The following SPOCK3 variants were observed in gnomAD, a reference collection of about 807,000 sequenced individuals.
SPOCK3 encodes SPARC (osteonectin), cwcv and kazal like domains proteoglycan 3.
A neutral mutation model predicts 56.6 loss-of-function variants in SPOCK3; 30 were observed. The ratio of observed to expected loss-of-function variants is 0.53; its 90% CI spans 0.40 to 0.72. The LOEUF (loss-of-function observed/expected upper bound fraction) is 0.72. Among genes scored for constraint, SPOCK3 ranks in the 30% least tolerant of loss-of-function variants. The probability of loss-of-function intolerance (pLI) is 0.00; values close to 1 mark genes in which losing one functional copy is unlikely to be tolerated. For synonymous variants in SPOCK3, 196 were observed against 183.3 expected (o/e 1.07, Z -0.56); for missense variants, 527 against 530.0 (o/e 0.99, Z 0.06).
chr4:166,858,515 A>G (rs1035984033), intron 6 of SPOCK3, among the ~76,000 whole-genome samples: 4 of 152,134 alleles, frequency 2.6e-5, no homozygotes, highest in Non-Finnish European at 5.9e-5. Context: ...TTGGGCTACA[A>G]TAAATCTAGA....
At chr4:167,127,433 T>TC (rs1013335311) in intron 2 of SPOCK3, among the ~76,000 whole-genome samples, 2 of 147,270 alleles carry the variant, frequency 1.4e-5, no homozygotes, top group African/African-American at 4.9e-5. Flanking sequence ...GAAATTTTCT[T>TC]TTTTTTTTTT....
intron 6 of SPOCK3, among the ~76,000 whole-genome samples, chr4:166,794,500 C>T (rs1741693485): frequency 1.3e-5 from 2 of 151,966 alleles, no homozygotes; most frequent in Admixed American, 1.3e-4. Flanking sequence ...TCATCTCTTT[C>T]TCCTTTTGAA....
intron 4 of SPOCK3, among the ~76,000 whole-genome samples, chr4:166,961,110 A>T (rs1312774823): frequency 8.5e-5 from 13 of 152,192 alleles, no homozygotes; most frequent in Admixed American, 8.5e-4. Context: ...ATACAATAAA[A>T]GAAGAAAACA....
intron 6 of SPOCK3, among the ~76,000 whole-genome samples, chr4:166,805,826 C>T (rs1743103304): frequency 6.6e-6 from 1 of 151,752 alleles, no homozygotes; most frequent in African/African-American, 2.4e-5. Context: ...AACAAGCAGA[C>T]AAATTTTCAA....
intron 2 of SPOCK3, among the ~76,000 whole-genome samples, chr4:167,222,648 CATATATAA>C (rs1268284588): frequency 1.5e-5 from 2 of 132,224 alleles, no homozygotes; most frequent in Non-Finnish European, 3.1e-5. Context: ...ATTATATATT[CATATATAA>C]ATATATAAAC....
intron 6 of SPOCK3, among the ~76,000 whole-genome samples, chr4:166,798,921 C>G (rs1036712014): frequency 3.9e-5 from 6 of 152,114 alleles, no homozygotes; most frequent in African/African-American, 1.2e-4. Flanking sequence ...AAAAAAAATA[C>G]TTGCATGAGC....
chr4:166,786,445 G>T (rs867929646), intron 7 of SPOCK3, among the ~76,000 whole-genome samples: 9 of 152,106 alleles, frequency 5.9e-5, no homozygotes, highest in African/African-American at 1.9e-4. Context: ...ATCACTAGCT[G>T]CCATGCAGTT....
At chr4:166,752,744 A>G (rs1226784409) in intron 8 of SPOCK3, among the ~76,000 whole-genome samples, 2 of 152,040 alleles carry the variant, frequency 1.3e-5, no homozygotes, top group East Asian at 3.9e-4. Context: ...AAAAGAATAC[A>G]TAAAAACAAA....
intron 8 of SPOCK3, among the ~76,000 whole-genome samples, chr4:166,752,179 C>A (rs186662554): frequency 4.9e-4 from 75 of 152,022 alleles, no homozygotes; most frequent in Non-Finnish European, 2.5e-4. Flanking sequence ...CATGTACCAC[C>A]AATCCTGGCT....
intron 4 of SPOCK3, among the ~76,000 whole-genome samples, chr4:166,957,758 T>C (rs1032260197): frequency 3.3e-5 from 5 of 152,220 alleles, no homozygotes; most frequent in African/African-American, 1.2e-4. Context: ...GCATGGGGCC[T>C]ACAGTCTCTC....
At position 167,194,114 on chromosome 4, in the gene SPOCK3, C is replaced by T. The variant is rs1278868654; in HGVS notation, c.189+39871G>A. Among the ~76,000 whole-genome samples the T allele has an allele frequency of 1.4e-4, 21 of 147,472 alleles. No individual in the cohort carries two copies. In the Admixed American group the frequency reaches 1.5e-3, roughly 10 times the overall value. Reference sequence around the variant, plus strand: ...TTTTTCATTTTCTGTTCAGTTGGTTCCTTTGTTTGTCTCACTTTAAACACC... The same window carrying T: ...TTTTTCATTTTCTGTTCAGTTGGTTTCTTTGTTTGTCTCACTTTAAACACC... On this transcript the variant is annotated intron_variant, in intron 2 of 10. Coordinates refer to ENST00000357545, the MANE Select transcript of SPOCK3 (RefSeq NM_001040159.2).
At chr4:166,766,276 G>C (rs1738030908) in intron 7 of SPOCK3, among the ~76,000 whole-genome samples, 2 of 152,154 alleles carry the variant, frequency 1.3e-5, no homozygotes, top group African/African-American at 4.8e-5. Flanking sequence ...AGTTTTCAAA[G>C]GGAATGCTTC....
intron 4 of SPOCK3, among the ~76,000 whole-genome samples, chr4:166,959,143 C>G (rs1743846411): frequency 6.6e-6 from 1 of 152,022 alleles, no homozygotes; most frequent in Admixed American, 6.6e-5. Flanking sequence ...ATGTGGGTTG[C>G]TCATTTGATA....
intron 3 of SPOCK3, among the ~76,000 whole-genome samples, chr4:167,025,906 G>C (rs1024527154): frequency 6.6e-6 from 1 of 152,012 alleles, no homozygotes; most frequent in Admixed American, 6.6e-5. Flanking sequence ...CTACATGGTG[G>C]AGCCTATTGC....
chr4:166,909,465 G>A (rs1737014182), intron 5 of SPOCK3, among the ~76,000 whole-genome samples: 1 of 151,916 alleles, frequency 6.6e-6, no homozygotes, highest in Non-Finnish European at 1.5e-5. Flanking sequence ...TAAGCTGAAA[G>A]TAATGAACAA....
chr4:166,741,932 T>G lies in SPOCK3; in HGVS notation c.994+65A>C, dbSNP rs144590590. ...TTGTTGGATTAATATTGATTTTATG[T>G]TGCTGTTTCCCTGGGGTTATTTATG... On this transcript the variant is annotated intron_variant, in intron 9 of 10. Coordinates refer to ENST00000357545, the MANE Select transcript of SPOCK3 (RefSeq NM_001040159.2). 980 of 1,102,212 alleles carry G rather than the reference T, an allele frequency of 8.9e-4. 8 individuals carry two copies. The African/African-American group carries it at 0.012, about 13-fold the overall frequency. The allele number at this position is 1,102,212 out of a possible 1,614,324, so 68.3% of individuals were successfully genotyped here.
intron 2 of SPOCK3, among the ~76,000 whole-genome samples, chr4:167,108,384 G>A (rs1403935643): frequency 6.6e-6 from 1 of 151,820 alleles, no homozygotes; most frequent in Non-Finnish European, 1.5e-5. Context: ...ATTCACAATC[G>A]CCAACATTTG....
At chr4:166,769,899 C>A (rs1579175193) in intron 7 of SPOCK3, among the ~76,000 whole-genome samples, 1 of 152,214 alleles carries the variant, frequency 6.6e-6, no homozygotes. Flanking sequence ...AGGCGCCCCT[C>A]CCCCAGCCTT....
At chr4:166,781,233 C>G (rs1210255052) in intron 7 of SPOCK3, among the ~76,000 whole-genome samples, 1 of 151,956 alleles carries the variant, frequency 6.6e-6, no homozygotes, top group African/African-American at 2.4e-5. Context: ...TTGATAGAAC[C>G]AGATTAGAAA....
Sources: allele counts gnomAD v4.1 joint callset (sites outside exome capture counted in the v4.1 genomes callset), GRCh38; gene constraint gnomAD v4.1.1; transcripts MANE v1.5; gene names NCBI Gene and HGNC (gene_info 2026-07-23, HGNC 2026-07-21).